Variants in TMEM131L observed in about 807,000 individuals in gnomAD.
The protein encoded by TMEM131L is transmembrane protein 131-like.
Under a neutral mutation model 192.2 loss-of-function variants are expected in TMEM131L, and 54 were observed. The observed-to-expected ratio is 0.28, with a 90% CI of 0.23 to 0.35. TMEM131L has a LOEUF of 0.35. TMEM131L is among the 10% of genes least tolerant of loss of function. The pLI is 1.00. For missense variants in TMEM131L, 1,888 were observed against 1,972.9 expected (o/e 0.96, Z 0.82); for synonymous variants, 701 against 704.9 (o/e 0.99, Z 0.09).
At chr4:153,485,443 A>G (rs1285689757) in intron 3 of TMEM131L, among the ~76,000 whole-genome samples, 1 of 152,216 alleles carries the variant, frequency 6.6e-6, no homozygotes, top group Non-Finnish European at 1.5e-5. Flanking sequence ...TGAAGTGCCC[A>G]GATACCCACT....
intron 19 of TMEM131L, 112 bp downstream of exon 19, chr4:153,593,983 T>C: frequency 1.4e-6 from 1 of 707,632 alleles, no homozygotes; most frequent in Admixed American, 2.4e-5. Flanking sequence ...ATATGGCTCT[T>C]TTATTTTGAT....
chr4:153,479,071 A>T (rs748074013), intron 3 of TMEM131L, among the ~76,000 whole-genome samples: 2 of 152,232 alleles, frequency 1.3e-5, no homozygotes, highest in Non-Finnish European at 2.9e-5. Flanking sequence ...GACAGAAAGA[A>T]TCTAAAGAGT....
chr4:153,534,172 G>C (rs561178964), intron 3 of TMEM131L, among the ~76,000 whole-genome samples: 1 of 152,326 alleles, frequency 6.6e-6, no homozygotes, highest in South Asian at 2.1e-4. Context: ...CCGAGTGAGT[G>C]TTCTGTAAAT....
At chr4:153,543,947 A>T (rs1736981764) in intron 3 of TMEM131L, among the ~76,000 whole-genome samples, 1 of 152,216 alleles carries the variant, frequency 6.6e-6, no homozygotes, top group South Asian at 2.1e-4. Flanking sequence ...TGATACAATA[A>T]CATTATTCTG....
At chr4:153,515,451 AT>A in intron 3 of TMEM131L, among the ~76,000 whole-genome samples, 1 of 152,176 alleles carries the variant, frequency 6.6e-6, no homozygotes, top group Non-Finnish European at 1.5e-5. Context: ...ACAATATTCC[AT>A]TGTATAGATA....
chr4:153,466,360 G>T lies in TMEM131L; in HGVS notation c.-38G>T, dbSNP rs1010004654. Reference sequence around the variant, plus strand: ...GCTGGGGCGCCAGCGAGCTAGCGGCGAGCGCGGCGAGCAACGGAGAGGAGC... The same window carrying T: ...GCTGGGGCGCCAGCGAGCTAGCGGCTAGCGCGGCGAGCAACGGAGAGGAGC... On this transcript the variant is annotated 5_prime_UTR_variant, in exon 1 of 35. Transcript: ENST00000409959. 16 of 1,222,064 alleles carry T rather than the reference G, an allele frequency of 1.3e-5. No individual in the cohort carries two copies. In the Admixed American group the frequency reaches 3.4e-4, roughly 26 times the overall value. 75.7% of individuals were successfully genotyped at this position (1,222,064 alleles called of 1,614,324 possible).
intron 3 of TMEM131L, among the ~76,000 whole-genome samples, chr4:153,528,337 T>A (rs1277991348): frequency 1.3e-5 from 2 of 152,232 alleles, no homozygotes; most frequent in Non-Finnish European, 2.9e-5. Flanking sequence ...AGTTTTGTAT[T>A]TGATGTATCC....
intron 4 of TMEM131L, among the ~76,000 whole-genome samples, chr4:153,554,664 A>C (rs116536135): frequency 6.6e-6 from 1 of 152,206 alleles, no homozygotes; most frequent in African/African-American, 2.4e-5. Flanking sequence ...TTAGAATATA[A>C]TTTTATTTCT....
chr4:153,520,157 TTAAAA>T (rs1003826405), intron 3 of TMEM131L, among the ~76,000 whole-genome samples: 11 of 152,032 alleles, frequency 7.2e-5, no homozygotes, highest in Admixed American at 5.2e-4. Flanking sequence ...GATTTTTATA[TTAAAA>T]TAAACTCTGC....
At chr4:153,509,099 C>T (rs536118649) in intron 3 of TMEM131L, among the ~76,000 whole-genome samples, 3 of 152,160 alleles carry the variant, frequency 2.0e-5, no homozygotes, top group African/African-American at 7.2e-5. Context: ...TATCCCAGCA[C>T]TTTGGGAGAT....
At chr4:153,540,369 G>A (rs1276620347) in intron 3 of TMEM131L, among the ~76,000 whole-genome samples, 2 of 152,082 alleles carry the variant, frequency 1.3e-5, no homozygotes, top group African/African-American at 2.4e-5. Context: ...AAGACAGCAC[G>A]TTCAGCCTTC....
intron 14 of TMEM131L, among the ~76,000 whole-genome samples, 194 bp downstream of exon 14, chr4:153,586,573 C>CT (rs1561216651): frequency 6.6e-6 from 1 of 152,046 alleles, no homozygotes; most frequent in Non-Finnish European, 1.5e-5. Flanking sequence ...AAAGAGTTTT[C>CT]TTTTTTATAA....
At position 153,487,854 on chromosome 4, in the gene TMEM131L, TGA is replaced by T. The variant is rs140292404; in HGVS notation, c.239+13974_239+13975del. On this transcript the variant is annotated intron_variant, in intron 3 of 34. Transcript: ENST00000409959. ...GGCCTGTGGCTGAGGTGTATGTGTGTGAGAGAGAGTGAGAGAGACAAAGAGAC... is the reference window on the plus strand; with the variant it reads ...GGCCTGTGGCTGAGGTGTATGTGTGTGAGAGAGTGAGAGAGACAAAGAGAC... Among the ~76,000 whole-genome samples the T allele has an allele frequency of 3.4e-3, 484 of 141,976 alleles. 2 individuals are homozygous for T. The highest frequency in any genetic ancestry group is 0.012 in the African/African-American group (446 of 37,452). The allele number at this position is 141,976 out of a possible 152,430, so 93.1% of individuals were successfully genotyped here. A position where few individuals can be genotyped will look rare whatever the true frequency, so the allele number is the denominator to read the frequency against.
Position 153,550,101 on chromosome 4 carries a change from G to A in TMEM131L, c.268G>A (p.Gly90Ser), listed in dbSNP as rs1269128413. 1 of 1,492,450 alleles carries A rather than the reference G, an allele frequency of 6.7e-7. No homozygotes were observed. Among genetic ancestry groups the A allele is most frequent in the Non-Finnish European group, 9.0e-7 (1 of 1,111,450 alleles). 92.5% of individuals were successfully genotyped at this position (1,492,450 alleles called of 1,614,324 possible). A position where few individuals can be genotyped will look rare whatever the true frequency, so the allele number is the denominator to read the frequency against. The change falls in exon 4 of 35, where the codon GGC becomes AGC. Residue 90 changes from glycine (G) to serine (S), a missense_variant. By Grantham distance (56) the Gly-to-Ser change is moderately conservative (BLOSUM62 0). Coordinates refer to ENST00000409959, the MANE Select transcript of TMEM131L (RefSeq NM_001131007.2). ...SFSDKLFSGK[G>S]LHFQPSVLDF... The stretch of plus-strand genomic sequence containing the variant: ...CTCGGACAAACTATTTAGTGGAAAA[G>A]GCTTACATTTTCAGCCATCAGTTTT...
intron 26 of TMEM131L, among the ~76,000 whole-genome samples, chr4:153,618,812 C>T (rs1449578586): frequency 6.6e-6 from 1 of 152,146 alleles, no homozygotes; most frequent in East Asian, 1.9e-4. Context: ...GTGCTTTGCT[C>T]TTCCTCGGAT....
chr4:153,509,014 A>G (rs1050143980), intron 3 of TMEM131L, among the ~76,000 whole-genome samples: 23 of 152,114 alleles, frequency 1.5e-4, no homozygotes, highest in African/African-American at 5.3e-4. Flanking sequence ...GCATAGAACT[A>G]TATAACCTAT....
intron 7 of TMEM131L, among the ~76,000 whole-genome samples, chr4:153,573,214 G>GT (rs1729707874): frequency 6.6e-6 from 1 of 152,228 alleles, no homozygotes. Context: ...TTCTGTTCAA[G>GT]TTTTTTGAGG....
chr4:153,634,151 G>A, intron 32 of TMEM131L, 41 bp from the exon 33 acceptor site: 1 of 1,513,424 alleles, frequency 6.6e-7, no homozygotes, highest in Non-Finnish European at 9.2e-7. Context: ...TTGATGTCTT[G>A]ACATCCTGTT....
intron 3 of TMEM131L, among the ~76,000 whole-genome samples, chr4:153,516,345 T>A (rs571453710): frequency 6.6e-6 from 1 of 152,252 alleles, no homozygotes; most frequent in South Asian, 2.1e-4. Flanking sequence ...TCCTCCCACC[T>A]CAGCCTCCCA....
Sources: allele counts gnomAD v4.1 joint callset (sites outside exome capture counted in the v4.1 genomes callset), GRCh38; gene constraint gnomAD v4.1.1; transcripts MANE v1.5; gene names NCBI Gene and HGNC (gene_info 2026-07-23, HGNC 2026-07-21).